Variants in MRPL13 observed in about 807,000 individuals in gnomAD.
MRPL13 encodes mitochondrial ribosomal protein L13, also known as large ribosomal subunit protein uL13m.
MRPL13 carries 33 observed loss-of-function variants against 29.0 expected under a neutral mutation model. The ratio of observed to expected loss-of-function variants is 1.14; its 90% CI spans 0.86 to 1.52. MRPL13 has a LOEUF of 1.52. Among genes scored for constraint, MRPL13 ranks in the 40% most tolerant of loss-of-function variants. The pLI is 0.00. For missense variants in MRPL13, 227 were observed against 216.7 expected, an observed-to-expected ratio of 1.05 and a Z score of -0.30; for synonymous variants, 77 against 68.4, an observed-to-expected ratio of 1.13 and a Z score of -0.62.
chr8:120,413,898 C>T, intron 6 of MRPL13, 93 bp downstream of exon 6: 1 of 1,354,800 alleles, frequency 7.4e-7, no homozygotes, highest in Non-Finnish European at 9.6e-7. Flanking sequence ...AATGAGTTCA[C>T]TCTTCCCGCC....
chr8:120,427,181 T>C (rs1197332946), intron 3 of MRPL13, among the ~76,000 whole-genome samples: 5 of 152,116 alleles, frequency 3.3e-5, no homozygotes, highest in East Asian at 3.9e-4. Context: ...AAAACGTCCA[T>C]AGAAAGTGAT....
intron 1 of MRPL13, 92 bp downstream of exon 1, chr8:120,444,975 GC>G: frequency 7.0e-6 from 11 of 1,569,094 alleles, no homozygotes; most frequent in Non-Finnish European, 7.9e-6. Context: ...CGGCTTCCCT[GC>G]CGCCCCAGCT....
At chr8:120,396,354 C>A (rs1812524838) in intron 6 of MRPL13, among the ~76,000 whole-genome samples, 1 of 152,008 alleles carries the variant, frequency 6.6e-6, no homozygotes, top group Admixed American at 6.6e-5. Context: ...TATAAGCCAC[C>A]TTGTGCCTAT....
chr8:120,420,377 T>C (rs577848112), intron 4 of MRPL13, among the ~76,000 whole-genome samples: 9 of 150,486 alleles, frequency 6.0e-5, no homozygotes, highest in African/African-American at 1.9e-4. Context: ...TGGGTTACCA[T>C]ATACATTTTC....
chr8:120,428,725 T>C (rs892819829), intron 3 of MRPL13, among the ~76,000 whole-genome samples: 2 of 151,972 alleles, frequency 1.3e-5, no homozygotes, highest in African/African-American at 2.4e-5. Context: ...CCAACAATCA[T>C]GAAAAAAAGC....
intron 6 of MRPL13, 71 bp from the exon 7 acceptor site, chr8:120,396,196 T>C (rs1812522534): frequency 8.4e-7 from 1 of 1,191,166 alleles, no homozygotes; most frequent in African/African-American, 1.5e-5. Context: ...GAGGATTATT[T>C]TTCCAATTTA....
At position 120,430,342 on chromosome 8, in the gene MRPL13, G is replaced by C. The variant is rs1003753064; in HGVS notation, c.245+1688C>G. 9.2e-5 allele frequency among the ~76,000 whole-genome samples: 14 copies of C among 152,230 alleles called. No individual in the cohort carries two copies. The East Asian group carries it at 2.3e-3, about 25-fold the overall frequency. On this transcript the variant is annotated intron_variant, in intron 3 of 6. Transcript: ENST00000306185. Reference sequence around the variant, plus strand: ...TGGAGGGCTGACTGTATATTAAAATGGTAAGTCATGGGATCAGGAGTGAAT... The same window carrying C: ...TGGAGGGCTGACTGTATATTAAAATCGTAAGTCATGGGATCAGGAGTGAAT...
rs781110831 is a variant in MRPL13 at position 120,413,991 on chromosome 8, G to C, written c.515C>G (p.Pro172Arg). ...EIDAFPRLWT[P>R]PEDYRL is the part of the protein sequence containing the mutation. The stretch of plus-strand genomic sequence containing the variant: ...AAACAAGAAGAAGGGAAACACTTAC[G>C]GAGTCCACAATCTTGGGAAGGCGTC... The change falls in exon 6 of 7, where the codon CCA (proline) becomes CGA (arginine). Residue 172 changes from proline (P) to arginine (R), a missense_variant and splice_region_variant. Transcript: ENST00000306185. 5 of 1,542,904 alleles carry C rather than the reference G, an allele frequency of 3.2e-6. No individual in the cohort carries two copies. The highest frequency in any genetic ancestry group is 3.5e-6 in the Non-Finnish European group (4 of 1,152,778).
At position 120,396,111 on chromosome 8, in the gene MRPL13, C is replaced by T. The variant is rs747559903; in HGVS notation, c.530G>A (p.Arg177Gln). 1.7e-5 allele frequency: 27 copies of T among 1,585,478 alleles called. No homozygotes were observed. Among genetic ancestry groups the T allele is most frequent in the South Asian group, 3.4e-5 (3 of 87,680 alleles). ...TCTGCAATTCTTATTCTCTTATAGC[C>T]GATAATCTTCAGGTCTGAAAGAAAA... ...PRLWTPPEDY[R>Q]L Residue 177 changes from arginine to glutamine, a missense_variant, in exon 7 of 7, where the codon CGG becomes CAG. Arg to Gln is a conservative substitution (Grantham distance 43). Transcript: ENST00000306185.
chr8:120,403,438 G>A (rs1250358153), intron 6 of MRPL13, among the ~76,000 whole-genome samples: 2 of 152,052 alleles, frequency 1.3e-5, no homozygotes, highest in African/African-American at 4.8e-5. Flanking sequence ...TGAAAGATGA[G>A]AATACATGGA....
At chr8:120,435,151 T>C (rs1813038950) in intron 2 of MRPL13, among the ~76,000 whole-genome samples, 1 of 152,180 alleles carries the variant, frequency 6.6e-6, no homozygotes, top group Admixed American at 6.6e-5. Context: ...ACATACTTAC[T>C]AATGCCATGT....
rs750610879 is a variant in MRPL13, at chr8:120,425,335, C to T, written c.277G>A (p.Ala93Thr). The T allele has an allele frequency of 1.1e-5, 17 of 1,612,662 alleles. No homozygotes were observed. The highest frequency in any genetic ancestry group is 3.3e-4 in the Middle Eastern group (2 of 6,070). ...YPGGFRQVTA[A>T]QLHLRDPVAI... ...ACTGGATCCCTCAGGTGAAGCTGAG[C>T]AGCTGTTACTTGTCTAAATCCACCT... The change falls in exon 4 of 7, where the codon GCT (alanine) becomes ACT (threonine). Residue 93 changes from alanine (A) to threonine (T), a missense_variant. Coordinates refer to ENST00000306185, the MANE Select transcript of MRPL13 (RefSeq NM_014078.6).
intron 6 of MRPL13, 104 bp downstream of exon 6, chr8:120,413,887 A>G (rs1223151570): frequency 2.2e-6 from 3 of 1,335,384 alleles, no homozygotes; most frequent in Non-Finnish European, 2.9e-6. Context: ...GGGAGCAAAA[A>G]AATGAGTTCA....
chr8:120,419,454 A>C (rs1168014463), intron 5 of MRPL13, among the ~76,000 whole-genome samples: 5 of 151,866 alleles, frequency 3.3e-5, no homozygotes, highest in African/African-American at 1.2e-4. Context: ...ATAGCAACCA[A>C]AGTTAAGCTA....
chr8:120,445,058 C>T lies in MRPL13; in HGVS notation c.27+10G>A, dbSNP rs771756176. On this transcript the variant is annotated intron_variant, in intron 1 of 6. Coordinates refer to ENST00000306185, the MANE Select transcript of MRPL13 (RefSeq NM_014078.6). ...ATGAACCCCATCAAGCCATAAGAGT[C>T]CGAGCTCACCTGGGGCGCCCTAGAG... 1.9e-6 allele frequency: 3 copies of T among 1,613,958 alleles called. No homozygotes were observed. Among genetic ancestry groups the T allele is most frequent in the Non-Finnish European group, 1.7e-6 (2 of 1,179,920 alleles).
At chr8:120,403,520 A>G (rs1812628625) in intron 6 of MRPL13, among the ~76,000 whole-genome samples, 3 of 152,234 alleles carry the variant, frequency 2.0e-5, no homozygotes, top group East Asian at 1.9e-4. Flanking sequence ...ACCGTCAGGA[A>G]GAATAGCGAA....
chr8:120,423,216 A>G (rs956112446), intron 4 of MRPL13, among the ~76,000 whole-genome samples: 3 of 152,134 alleles, frequency 2.0e-5, no homozygotes, highest in African/African-American at 7.2e-5. Context: ...ACAGATCTGA[A>G]GAAATTACTG....
intron 6 of MRPL13, among the ~76,000 whole-genome samples, chr8:120,401,617 AC>A (rs1382140542): frequency 6.6e-6 from 1 of 152,044 alleles, no homozygotes; most frequent in Non-Finnish European, 1.5e-5. Flanking sequence ...CTTTTTCACC[AC>A]CCCTGTTCAA....
intron 2 of MRPL13, among the ~76,000 whole-genome samples, chr8:120,436,728 CT>C (rs1459722203): frequency 1.3e-5 from 2 of 152,146 alleles, no homozygotes; most frequent in Non-Finnish European, 2.9e-5. Flanking sequence ...GATCCAGGTT[CT>C]TTTTCCTTCA....
Sources: gnomAD v4.1 joint callset for allele counts (sites outside exome capture counted in the v4.1 genomes callset) on GRCh38, gnomAD v4.1.1 for gene constraint, MANE v1.5 for transcripts, NCBI Gene and HGNC (gene_info 2026-07-23, HGNC 2026-07-21) for gene names.